Variants in PSMD1 observed in about 807,000 individuals in gnomAD.
PSMD1 encodes the protein 26S proteasome non-ATPase regulatory subunit 1.
A neutral mutation model predicts 119.0 loss-of-function variants in PSMD1; 18 were observed. The observed-to-expected ratio is 0.15, with a 90% CI of 0.10 to 0.22. The LOEUF is 0.22. PSMD1 is among the 10% of genes least tolerant of loss of function. The pLI is 1.00. For synonymous variants in PSMD1, 374 were observed against 396.6 expected (o/e 0.94, Z 0.68); for missense variants, 702 against 1,158.5 (o/e 0.61, Z 5.72).
At chr2:231,125,703 CTTATTTCAGAA>C in intron 16 of PSMD1, among the ~76,000 whole-genome samples, 1 of 152,186 alleles carries the variant, frequency 6.6e-6, no homozygotes, top group Non-Finnish European at 1.5e-5. Flanking sequence ...ACGTTTTTGC[CTTATTTCAGAA>C]AATTGGTGTT....
At position 231,056,967 on chromosome 2, in the gene PSMD1, C is replaced by T. The variant is rs1693607525; in HGVS notation, c.-59C>T. ...GTGAACTGAGCGGCCCCTGAGCTGACAGATACACTGCGCAGCTGGAACGGC... is the reference window on the plus strand; with the variant it reads ...GTGAACTGAGCGGCCCCTGAGCTGATAGATACACTGCGCAGCTGGAACGGC... On this transcript the variant is annotated 5_prime_UTR_variant, in exon 1 of 25. Transcript: ENST00000308696. 5 of 1,538,948 alleles carry T rather than the reference C, an allele frequency of 3.2e-6. No individual in the cohort carries two copies. The highest frequency in any genetic ancestry group is 8.7e-7 in the Non-Finnish European group (1 of 1,143,636).
At chr2:231,063,119 A>G (rs1693801715) in intron 4 of PSMD1, among the ~76,000 whole-genome samples, 1 of 152,232 alleles carries the variant, frequency 6.6e-6, no homozygotes, top group African/African-American at 2.4e-5. Context: ...AGACATGGTT[A>G]TTAAATAGAA....
At chr2:231,090,886 T>G (rs1295383003) in intron 16 of PSMD1, among the ~76,000 whole-genome samples, 2 of 152,208 alleles carry the variant, frequency 1.3e-5, no homozygotes. Context: ...GAGGAGTTGT[T>G]TCTTGGGATG....
intron 18 of PSMD1, among the ~76,000 whole-genome samples, chr2:231,148,409 T>C (rs1404302502): frequency 6.6e-6 from 1 of 152,228 alleles, no homozygotes; most frequent in African/African-American, 2.4e-5. Flanking sequence ...TTTACAATTA[T>C]AATCTCTGTT....
chr2:231,130,923 A>C (rs140040340), intron 16 of PSMD1, among the ~76,000 whole-genome samples: 3 of 152,352 alleles, frequency 2.0e-5, no homozygotes, highest in African/African-American at 7.2e-5. Flanking sequence ...TATACTGAAG[A>C]AAGATTTAGG....
intron 19 of PSMD1, among the ~76,000 whole-genome samples, chr2:231,155,346 A>G (rs1322688060): frequency 6.6e-6 from 1 of 152,152 alleles, no homozygotes; most frequent in African/African-American, 2.4e-5. Flanking sequence ...TTTGTAGTGA[A>G]GGAGATGAGG....
At chr2:231,167,669 C>A (rs1221979048) in intron 23 of PSMD1, among the ~76,000 whole-genome samples, 1 of 152,172 alleles carries the variant, frequency 6.6e-6, no homozygotes, top group African/African-American at 2.4e-5. Context: ...GTTAAATGAG[C>A]ATTGACTTTA....
chr2:231,169,659 CT>C (rs1273876779), intron 23 of PSMD1, among the ~76,000 whole-genome samples: 1 of 152,152 alleles, frequency 6.6e-6, no homozygotes, highest in African/African-American at 2.4e-5. Context: ...ACTTGTGCTT[CT>C]TTTCCTTCCC....
At chr2:231,063,812 C>T (rs1190738476) in intron 4 of PSMD1, among the ~76,000 whole-genome samples, 1 of 123,736 alleles carries the variant, frequency 8.1e-6, no homozygotes, top group African/African-American at 3.2e-5. Flanking sequence ...CCTTACTTAT[C>T]TCTTTTATTT....
chr2:231,078,946 C>T (rs1397531689), intron 10 of PSMD1, among the ~76,000 whole-genome samples, 199 bp downstream of exon 10: 3 of 152,018 alleles, frequency 2.0e-5, no homozygotes, highest in African/African-American at 7.2e-5. Context: ...AGGCGCACGC[C>T]ACTATGCCTG....
intron 5 of PSMD1, among the ~76,000 whole-genome samples, chr2:231,069,157 A>C (rs1345134201): frequency 1.3e-5 from 2 of 152,246 alleles, no homozygotes; most frequent in African/African-American, 4.8e-5. Context: ...CAAACAAATA[A>C]ATATATAAAG....
At chr2:231,091,031 A>G (rs1694576635) in intron 16 of PSMD1, among the ~76,000 whole-genome samples, 1 of 152,200 alleles carries the variant, frequency 6.6e-6, no homozygotes, top group South Asian at 2.1e-4. Flanking sequence ...TGGCCGAGTG[A>G]TAGATGAAAG....
rs143503101 is a variant in PSMD1 at position 231,089,924 on chromosome 2, A to G, written c.1883+2743A>G. 4.6e-5 allele frequency among the ~76,000 whole-genome samples: 7 copies of G among 152,310 alleles called. No individual in the cohort carries two copies. In the East Asian group the frequency reaches 1.4e-3, roughly 29 times the overall value. ...GTTAATCTCCTTTGGCAGCGCCCTC[A>G]CAGACATACCCAGGATCAATACTTT... On this transcript the variant is annotated intron_variant, in intron 16 of 24. Coordinates refer to ENST00000308696, the MANE Select transcript of PSMD1 (RefSeq NM_002807.4).
chr2:231,092,063 C>G (rs746292559), intron 16 of PSMD1, among the ~76,000 whole-genome samples: 36 of 152,144 alleles, frequency 2.4e-4, no homozygotes, highest in Non-Finnish European at 5.1e-4. Context: ...TTTACAGATT[C>G]AGTAATAGAG....
intron 8 of PSMD1, among the ~76,000 whole-genome samples, chr2:231,075,974 T>C (rs1263786931): frequency 6.6e-6 from 1 of 152,258 alleles, no homozygotes; most frequent in Admixed American, 6.5e-5. Context: ...GTATATATTC[T>C]ATACATGCTT....
At chr2:231,160,461 T>C (rs780266089) in intron 19 of PSMD1, among the ~76,000 whole-genome samples, 2 of 152,240 alleles carry the variant, frequency 1.3e-5, no homozygotes, top group Non-Finnish European at 2.9e-5. Context: ...ATGTTTATGC[T>C]GCTTAGCACC....
Position 231,161,473 on chromosome 2 carries a change from C to T in PSMD1, c.2352C>T (p.Thr784=). ...PLSHFLSLAY[T]PTCVIGLNKD... ...CACACTTCCTGTCATTGGCTTATAC[C>T]CCTACCTGTGTCATTGGCCTTAACA... The change falls in exon 20 of 25, where the codon ACC becomes ACT. Residue 784 remains threonine, a synonymous_variant. Coordinates refer to ENST00000308696, the MANE Select transcript of PSMD1 (RefSeq NM_002807.4). The T allele has an allele frequency of 6.2e-7, 1 of 1,613,960 alleles. No individual in the cohort carries two copies. Among genetic ancestry groups the T allele is most frequent in the Non-Finnish European group, 8.5e-7 (1 of 1,179,970 alleles).
rs1016809965 is a variant in PSMD1 at position 231,153,974 on chromosome 2, G to A, written c.2218+308G>A. Among the ~76,000 whole-genome samples, 7 of 152,020 alleles carry A rather than the reference G, an allele frequency of 4.6e-5. 1 individual carries two copies. Among genetic ancestry groups the A allele is most frequent in the Admixed American group, 4.6e-4 (7 of 15,260 alleles). ...ACTAAAAATATAAAATTAGCTGGGC[G>A]TGGTGGCACATGCCTGTAATCCTAG... On this transcript the variant is annotated intron_variant, in intron 19 of 24. Transcript: ENST00000308696.
At chr2:231,100,077 C>T (rs1038807170) in intron 16 of PSMD1, among the ~76,000 whole-genome samples, 3 of 152,128 alleles carry the variant, frequency 2.0e-5, no homozygotes, top group African/African-American at 7.2e-5. Context: ...CCTGAGGCCA[C>T]CACAAGGGGG....
Sources: allele counts gnomAD v4.1 joint callset (sites outside exome capture counted in the v4.1 genomes callset), GRCh38; gene constraint gnomAD v4.1.1; transcripts MANE v1.5; gene names NCBI Gene and HGNC (gene_info 2026-07-23, HGNC 2026-07-21).